The following GRM7 variants were observed in gnomAD, a reference collection of about 807,000 sequenced individuals.
GRM7 encodes metabotropic glutamate receptor 7.
A neutral mutation model predicts 84.5 loss-of-function variants in GRM7; 35 were observed. The ratio of observed to expected loss-of-function variants is 0.41; its 90% CI spans 0.32 to 0.55. The LOEUF is 0.55. Among genes scored for constraint, GRM7 ranks in the 20% least tolerant of loss-of-function variants. The pLI is 0.19. For synonymous variants in GRM7, 487 were observed against 455.1 expected, an observed-to-expected ratio of 1.07 and a Z score of -0.89; for missense variants, 1,003 against 1,194.6, an observed-to-expected ratio of 0.84 and a Z score of 2.36.
chr3:7,282,862 T>C (rs1699302592), intron 2 of GRM7, among the ~76,000 whole-genome samples: 1 of 152,198 alleles, frequency 6.6e-6, no homozygotes, highest in South Asian at 2.1e-4. Flanking sequence ...AGAGAGGAAC[T>C]CATTTGAAAA....
chr3:6,951,012 G>A (rs1391340524), intron 1 of GRM7, among the ~76,000 whole-genome samples: 2 of 152,194 alleles, frequency 1.3e-5, no homozygotes, highest in Admixed American at 6.5e-5. Flanking sequence ...CCCGGGTGAG[G>A]TGATGCCTCT....
At chr3:6,932,818 G>A (rs339018) in intron 1 of GRM7, among the ~76,000 whole-genome samples, 30,620 of 142,840 alleles carry the variant, frequency 0.21, 3,422 homozygotes, top group East Asian at 0.32. Context: ...GCAATGGCGC[G>A]ATCTCGGCTC....
At chr3:7,367,938 CAAAAAAA>C (rs56856057) in intron 4 of GRM7, among the ~76,000 whole-genome samples, 2 of 126,130 alleles carry the variant, frequency 1.6e-5, no homozygotes, top group Non-Finnish European at 3.4e-5. Flanking sequence ...CATTAATCCT[CAAAAAAA>C]AAAAAAAAGA....
intron 1 of GRM7, among the ~76,000 whole-genome samples, chr3:6,970,968 C>T (rs2122414): frequency 0.067 from 9,918 of 147,270 alleles, 421 homozygotes; most frequent in Non-Finnish European, 0.094. Flanking sequence ...GGCCACAGAG[C>T]GAGACTCTGT....
At chr3:6,992,516 G>A (rs183294760) in intron 1 of GRM7, among the ~76,000 whole-genome samples, 56 of 152,274 alleles carry the variant, frequency 3.7e-4, no homozygotes, top group Non-Finnish European at 6.9e-4. Flanking sequence ...TTCAGGAAAC[G>A]TTAATAAAGG....
chr3:6,910,008 C>T lies in GRM7; in HGVS notation c.519+48101C>T, dbSNP rs181480757. Reference sequence around the variant, plus strand: ...CATATATAAAAATTCTATATTAAATCCTTATATAGGATTTTATCTATATAA... The same window carrying T: ...CATATATAAAAATTCTATATTAAATTCTTATATAGGATTTTATCTATATAA... On this transcript the variant is annotated intron_variant, in intron 1 of 9. Coordinates refer to ENST00000357716, the MANE Select transcript of GRM7 (RefSeq NM_000844.4). Among the ~76,000 whole-genome samples, 180 of 152,028 alleles carry T rather than the reference C, an allele frequency of 1.2e-3. 1 individual carries two copies. The highest frequency in any genetic ancestry group is 1.8e-3 in the Non-Finnish European group (120 of 67,966).
intron 2 of GRM7, among the ~76,000 whole-genome samples, chr3:7,147,440 G>A (rs1694147754): frequency 6.6e-6 from 1 of 152,248 alleles, no homozygotes; most frequent in African/African-American, 2.4e-5. Context: ...CTCTTCTTAT[G>A]TTGAAATGGG....
At chr3:7,435,679 G>GTT (rs71066011) in intron 5 of GRM7, among the ~76,000 whole-genome samples, 7,488 of 88,226 alleles carry the variant, frequency 0.085, 1,226 homozygotes, top group South Asian at 0.16. Context: ...CATCCGGCTA[G>GTT]TTTTTTTTTT....
At chr3:7,073,146 A>G (rs1453684474) in intron 1 of GRM7, among the ~76,000 whole-genome samples, 5 of 152,192 alleles carry the variant, frequency 3.3e-5, no homozygotes. Flanking sequence ...AAGTAGTACT[A>G]ATTTAATTTT....
chr3:7,243,013 T>G (rs1014144686), intron 2 of GRM7, among the ~76,000 whole-genome samples: 1 of 152,108 alleles, frequency 6.6e-6, no homozygotes, highest in Non-Finnish European at 1.5e-5. Context: ...TTCAGAAATA[T>G]TCAGTGGTGT....
chr3:7,516,688 C>T (rs1700405300), intron 7 of GRM7, among the ~76,000 whole-genome samples: 1 of 152,028 alleles, frequency 6.6e-6, no homozygotes, highest in African/African-American at 2.4e-5. Flanking sequence ...ATCAAGCTAT[C>T]AGAGCCTGCT....
chr3:7,004,435 C>A (rs544446347), intron 1 of GRM7, among the ~76,000 whole-genome samples: 1 of 152,134 alleles, frequency 6.6e-6, no homozygotes, highest in South Asian at 2.1e-4. Flanking sequence ...TTGGATAAAA[C>A]TTTCAAATAC....
intron 8 of GRM7, among the ~76,000 whole-genome samples, chr3:7,612,889 T>A (rs1226060742): frequency 1.3e-5 from 2 of 152,196 alleles, no homozygotes; most frequent in Non-Finnish European, 2.9e-5. Flanking sequence ...ATTGCTTATC[T>A]TTAAAGAAGC....
chr3:7,215,296 A>G (rs1696563615), intron 2 of GRM7, among the ~76,000 whole-genome samples: 1 of 152,162 alleles, frequency 6.6e-6, no homozygotes, highest in Non-Finnish European at 1.5e-5. Context: ...TGCTGCCCTT[A>G]CTTCATGACT....
At chr3:6,867,445 C>A (rs1011516277) in intron 1 of GRM7, among the ~76,000 whole-genome samples, 9 of 152,154 alleles carry the variant, frequency 5.9e-5, no homozygotes, top group African/African-American at 2.2e-4. Flanking sequence ...ATGTAAACTG[C>A]AGGATGTATA....
intron 9 of GRM7, among the ~76,000 whole-genome samples, chr3:7,682,638 A>G (rs1700423977): frequency 6.6e-6 from 1 of 152,120 alleles, no homozygotes; most frequent in Non-Finnish European, 1.5e-5. Flanking sequence ...TTTACTGGGG[A>G]AAAAGACGAA....
chr3:7,471,440 T>G (rs868078987), intron 7 of GRM7, among the ~76,000 whole-genome samples: 2 of 152,244 alleles, frequency 1.3e-5, no homozygotes, highest in South Asian at 2.1e-4. Flanking sequence ...CCTGTTTCTC[T>G]GCTGACAGTG....
chr3:7,303,689 T>C (rs865774274), intron 3 of GRM7, among the ~76,000 whole-genome samples: 7 of 152,110 alleles, frequency 4.6e-5, no homozygotes, highest in Admixed American at 2.0e-4. Context: ...TTTTCTGTTG[T>C]TGTTATAGGC....
At chr3:7,246,984 C>T (rs1697787312) in intron 2 of GRM7, among the ~76,000 whole-genome samples, 1 of 152,118 alleles carries the variant, frequency 6.6e-6, no homozygotes. Context: ...TAATTCACCA[C>T]AGTAGAATTC....
Sources: allele counts gnomAD v4.1 joint callset (sites outside exome capture counted in the v4.1 genomes callset), GRCh38; gene constraint gnomAD v4.1.1; transcripts MANE v1.5; gene names NCBI Gene and HGNC (gene_info 2026-07-23, HGNC 2026-07-21).